CTNNA3: variants seen among roughly 807,000 people sequenced by gnomAD.
CTNNA3 encodes catenin alpha-3.
In CTNNA3, 76 loss-of-function variants were observed where a neutral mutation model predicts 95.7. The observed-to-expected ratio is 0.79, with a 90% CI of 0.66 to 0.96. CTNNA3 has a LOEUF of 0.96. CTNNA3 is among the 40% of genes least tolerant of loss of function. The probability of loss-of-function intolerance (pLI) is 0.00; values close to 1 mark genes in which losing one functional copy is unlikely to be tolerated. For synonymous variants in CTNNA3, 431 were observed against 374.4 expected (o/e 1.15, Z -1.74); for missense variants, 1,191 against 1,089.8 (o/e 1.09, Z -1.31).
chr10:66,781,694 T>C (rs1458204893), intron 7 of CTNNA3, among the ~76,000 whole-genome samples: 1 of 152,196 alleles, frequency 6.6e-6, no homozygotes. Context: ...TCTTGAACTT[T>C]TGTATTGTTT....
At chr10:66,085,139 A>G (rs563471286) in intron 14 of CTNNA3, 1 of 152,290 alleles carries the variant, frequency 6.6e-6, no homozygotes, top group African/African-American at 2.4e-5. Flanking sequence ...ATATTTCAAA[A>G]TGATAAAAAA....
chr10:67,190,368 A>G (rs1205721015), intron 6 of CTNNA3, among the ~76,000 whole-genome samples: 2 of 152,184 alleles, frequency 1.3e-5, no homozygotes, highest in African/African-American at 4.8e-5. Flanking sequence ...CTGAGTGCAT[A>G]TGTGTATATG....
Position 66,692,377 on chromosome 10 carries a change from A to G in CTNNA3, c.1282-70593T>C, listed in dbSNP as rs12414633. On this transcript the variant is annotated intron_variant, in intron 9 of 17. Coordinates refer to ENST00000433211, the MANE Select transcript of CTNNA3 (RefSeq NM_013266.4). ...AAGGGTATCAGCAATGGAAGATGAA[A>G]TGAATGAAATGAAGCAAGAAGGGAA... 2.7e-3 allele frequency among the ~76,000 whole-genome samples: 411 copies of G among 152,314 alleles called. 13 individuals carry two copies. In the East Asian group the frequency reaches 0.055, roughly 20 times the overall value.
intron 11 of CTNNA3, among the ~76,000 whole-genome samples, chr10:66,504,057 G>A (rs1840367957): frequency 6.6e-6 from 1 of 151,938 alleles, no homozygotes; most frequent in South Asian, 2.1e-4. Context: ...TTTTTTTATA[G>A]TGAGAACATT....
At chr10:66,018,864 T>C (rs1382869742) in intron 15 of CTNNA3, among the ~76,000 whole-genome samples, 2 of 152,134 alleles carry the variant, frequency 1.3e-5, no homozygotes, top group East Asian at 3.9e-4. Context: ...GGAAAAAAAA[T>C]AGGAAGTGAT....
In CTNNA3 at chr10:66,774,997, A is replaced by G. The variant is rs73307091; in HGVS notation, c.1128+447T>C. On this transcript the variant is annotated intron_variant, in intron 8 of 17. Coordinates refer to ENST00000433211, the MANE Select transcript of CTNNA3 (RefSeq NM_013266.4). ...GGGTCTCTGAATTACTTACTAGTTA[A>G]TCATTTGGATTTAAGCATTTGGATG... 8.4e-3 allele frequency among the ~76,000 whole-genome samples: 1,285 copies of G among 152,342 alleles called. 18 individuals carry two copies. The highest frequency in any genetic ancestry group is 0.029 in the African/African-American group (1,207 of 41,582).
intron 7 of CTNNA3, among the ~76,000 whole-genome samples, chr10:66,884,793 G>A (rs1033981580): frequency 3.3e-5 from 5 of 152,096 alleles, no homozygotes; most frequent in Admixed American, 2.6e-4. Flanking sequence ...GATAACAAAA[G>A]GTCAAGATTA....
chr10:67,260,635 T>C (rs568092860), intron 5 of CTNNA3, among the ~76,000 whole-genome samples: 45 of 152,248 alleles, frequency 3.0e-4, no homozygotes, highest in African/African-American at 1.1e-3. Flanking sequence ...TAAATAACAT[T>C]GAATCATAAC....
chr10:66,579,970 A>G (rs1468512226), intron 10 of CTNNA3, among the ~76,000 whole-genome samples: 1 of 151,634 alleles, frequency 6.6e-6, no homozygotes, highest in Admixed American at 6.6e-5. Flanking sequence ...TGGGCTTATC[A>G]TGTTTGGGGT....
At chr10:66,174,259 C>A (rs985874513) in intron 13 of CTNNA3, among the ~76,000 whole-genome samples, 1 of 151,982 alleles carries the variant, frequency 6.6e-6, no homozygotes, top group Non-Finnish European at 1.5e-5. Context: ...TATTTAGAGA[C>A]ATTTTGGAAA....
chr10:67,384,188 A>C (rs1844056164), intron 5 of CTNNA3, among the ~76,000 whole-genome samples: 1 of 152,198 alleles, frequency 6.6e-6, no homozygotes, highest in South Asian at 2.1e-4. Context: ...GTTAAAAAAA[A>C]ATAAAGGTAA....
intron 14 of CTNNA3, among the ~76,000 whole-genome samples, chr10:66,095,497 T>C (rs1306376580): frequency 6.6e-6 from 1 of 152,128 alleles, no homozygotes; most frequent in East Asian, 1.9e-4. Context: ...CAATATTCTG[T>C]AAGGTAATTC....
intron 16 of CTNNA3, among the ~76,000 whole-genome samples, chr10:65,981,922 T>C (rs886383722): frequency 2.6e-5 from 4 of 151,820 alleles, no homozygotes; most frequent in Admixed American, 6.6e-5. Flanking sequence ...AAAACCCTTC[T>C]AGACACTGGT....
intron 2 of CTNNA3, among the ~76,000 whole-genome samples, chr10:67,631,303 GA>G (rs11287733): frequency 0.049 from 7,195 of 145,630 alleles, 575 homozygotes; most frequent in African/African-American, 0.17. Context: ...GTGCCCAAGA[GA>G]AAAAAAAAAT....
intron 11 of CTNNA3, among the ~76,000 whole-genome samples, chr10:66,425,548 A>C (rs1390970623): frequency 1.3e-5 from 2 of 152,066 alleles, no homozygotes; most frequent in Non-Finnish European, 2.9e-5. Flanking sequence ...AAATAAGACA[A>C]GAATCTTAGC....
intron 7 of CTNNA3, among the ~76,000 whole-genome samples, chr10:66,963,179 A>C (rs762992494): frequency 6.6e-6 from 1 of 152,214 alleles, no homozygotes; most frequent in East Asian, 1.9e-4. Context: ...TACTGTAAAA[A>C]CTAACTAGTG....
intron 7 of CTNNA3, among the ~76,000 whole-genome samples, chr10:66,978,526 CAAAAAAAA>C (rs1170594360): frequency 2.4e-5 from 1 of 42,320 alleles, no homozygotes; most frequent in Non-Finnish European, 3.9e-5. Flanking sequence ...GACTCCATCT[CAAAAAAAA>C]AAAAAAAAAA....
chr10:65,923,086 T>G, intron 17 of CTNNA3, among the ~76,000 whole-genome samples: 1 of 152,106 alleles, frequency 6.6e-6, no homozygotes, highest in East Asian at 1.9e-4. Flanking sequence ...CCCTCACACT[T>G]GGGGATTACA....
chr10:66,938,541 A>G (rs958627305), intron 7 of CTNNA3, among the ~76,000 whole-genome samples: 1 of 152,192 alleles, frequency 6.6e-6, no homozygotes, highest in East Asian at 1.9e-4. Flanking sequence ...TGGCATCTTC[A>G]TGTTGAGTAG....
Sources: gnomAD v4.1 joint callset for allele counts (sites outside exome capture counted in the v4.1 genomes callset) on GRCh38, gnomAD v4.1.1 for gene constraint, MANE v1.5 for transcripts, NCBI Gene and HGNC (gene_info 2026-07-23, HGNC 2026-07-21) for gene names.